The following DCAF1 variants were observed in gnomAD, a reference collection of about 807,000 sequenced individuals.
DCAF1 encodes DDB1- and CUL4-associated factor 1.
DCAF1 carries 15 observed loss-of-function variants against 128.0 expected under a neutral mutation model. The observed-to-expected ratio is 0.12, with a 90% confidence interval of 0.08 to 0.18. The LOEUF (loss-of-function observed/expected upper bound fraction) is 0.18. DCAF1 is among the 10% of genes least tolerant of loss of function. The probability of loss-of-function intolerance (pLI) is 1.00; values close to 1 mark genes in which losing one functional copy is unlikely to be tolerated. For missense variants in DCAF1, 988 were observed against 1,649.5 expected (o/e 0.60, Z 6.95); for synonymous variants, 610 against 603.0 (o/e 1.01, Z -0.17).
At chr3:51,416,629 C>T (rs782348212) in intron 18 of DCAF1, among the ~76,000 whole-genome samples, 158 bp downstream of exon 18, 1 of 152,164 alleles carries the variant, frequency 6.6e-6, no homozygotes, top group Admixed American at 6.5e-5. Context: ...TCCCATACAG[C>T]TCAGAACTAT....
intron 9 of DCAF1, chr3:51,436,414 G>A (rs547985182): frequency 1.3e-5 from 7 of 520,106 alleles, no homozygotes; most frequent in African/African-American, 1.3e-4. Context: ...GGATCCTTCT[G>A]AGGATGCTAG....
At chr3:51,406,352 A>AAT (rs1553626633) in intron 23 of DCAF1, among the ~76,000 whole-genome samples, 2 of 151,210 alleles carry the variant, frequency 1.3e-5, no homozygotes, top group Admixed American at 1.3e-4. Context: ...CAAAAAAAAA[A>AAT]AAAAAAAAAA....
chr3:51,475,521 C>T (rs577646271), intron 3 of DCAF1, among the ~76,000 whole-genome samples: 12 of 152,088 alleles, frequency 7.9e-5, no homozygotes, highest in Middle Eastern at 3.4e-3. Context: ...GACTGGAAGA[C>T]GGCTTGAGCC....
chr3:51,410,348 G>A (rs1451990525), intron 23 of DCAF1, among the ~76,000 whole-genome samples: 1 of 152,122 alleles, frequency 6.6e-6, no homozygotes, highest in Admixed American at 6.5e-5. Flanking sequence ...CACACACAGG[G>A]GATTTTAGGT....
chr3:51,455,016 T>G (rs529226623), intron 6 of DCAF1, among the ~76,000 whole-genome samples: 85 of 152,324 alleles, frequency 5.6e-4, no homozygotes, highest in African/African-American at 2.0e-3. Context: ...ACATGCATAG[T>G]CACTATCAAT....
chr3:51,418,060 G>A (rs1699059423), intron 17 of DCAF1, 56 bp downstream of exon 17: 16 of 1,554,088 alleles, frequency 1.0e-5, no homozygotes, highest in South Asian at 6.1e-5. Context: ...CCAAATGAAG[G>A]GGGGTATAAA....
At chr3:51,486,850 T>C (rs1372911677) in intron 2 of DCAF1, among the ~76,000 whole-genome samples, 2 of 152,048 alleles carry the variant, frequency 1.3e-5, no homozygotes, top group Non-Finnish European at 2.9e-5. Context: ...GCCAGGCTGG[T>C]CTCGAACTCC....
chr3:51,494,216 G>A lies in DCAF1; in HGVS notation c.-9+2518C>T, dbSNP rs1430696884. On this transcript the variant is annotated intron_variant, in intron 2 of 24. Coordinates refer to ENST00000684031, the MANE Select transcript of DCAF1 (RefSeq NM_001387579.1). ...TGCAAGCTCCGCCTCCCGGGTTCAT[G>A]CCATTCTCCTGCTTCAGCCTCCCGA... 2.7e-5 allele frequency among the ~76,000 whole-genome samples: 4 copies of A among 150,004 alleles called. No individual in the cohort carries two copies. The Admixed American group carries it at 2.7e-4, about 10-fold the overall frequency.
rs113200337 is a variant in DCAF1 at position 51,492,542 on chromosome 3, G to C, written c.-9+4192C>G. Among the ~76,000 whole-genome samples, 1,355 of 151,890 alleles carry C rather than the reference G, an allele frequency of 8.9e-3. 30 individuals carry two copies. Among genetic ancestry groups the C allele is most frequent in the African/African-American group, 0.029 (1,210 of 41,442 alleles). On this transcript the variant is annotated intron_variant, in intron 2 of 24. Transcript: ENST00000684031. ...AAAAACAAAAAAAAGGCCAAGAAAC[G>C]CATGAAAGATACTCAACATCAGTCA...
At chr3:51,402,019 G>C (rs1553625094) in intron 24 of DCAF1, among the ~76,000 whole-genome samples, 1 of 151,894 alleles carries the variant, frequency 6.6e-6, no homozygotes, top group Non-Finnish European at 1.5e-5. Flanking sequence ...TTCATGTACA[G>C]CTGCAGAGCT....
intron 7 of DCAF1, 24 bp from the exon 8 acceptor site, chr3:51,441,921 A>G (rs1701394540): frequency 6.4e-7 from 1 of 1,558,392 alleles, no homozygotes; most frequent in African/African-American, 1.4e-5. Flanking sequence ...ATTGGAGAAA[A>G]AGGGGGTGCC....
Position 51,412,401 on chromosome 3 carries a change from T to G in DCAF1, c.4190A>C (p.Asp1397Ala). The change falls in exon 23 of 25, where the codon GAT (aspartate) becomes GCT (alanine). Residue 1397 changes from aspartate (D) to alanine (A), a missense_variant. By Grantham distance (126) the Asp-to-Ala change is moderately radical. Transcript: ENST00000684031. ...YEVGRQRLAE[D>A]EDEEEDQEEE... ...GACCTGGTCCTCCTCTTCATCCTCA[T>G]CCTCTGCCAGACGCTGCCTGCCCAC... The G allele has an allele frequency of 6.2e-7, 1 of 1,613,918 alleles. No homozygotes were observed. Among genetic ancestry groups the G allele is most frequent in the Non-Finnish European group, 8.5e-7 (1 of 1,179,854 alleles).
At chr3:51,441,357 T>C (rs1553638630) in intron 8 of DCAF1, 28 bp downstream of exon 8, 5 of 1,591,812 alleles carry the variant, frequency 3.1e-6, no homozygotes, top group Non-Finnish European at 4.3e-6. Flanking sequence ...TTCCTATGTG[T>C]GAACAGTACT....
intron 2 of DCAF1, among the ~76,000 whole-genome samples, chr3:51,494,176 AG>A (rs1283241013): frequency 7.0e-6 from 1 of 143,690 alleles, no homozygotes; most frequent in Non-Finnish European, 1.5e-5. Context: ...GTGCAGTGGC[AG>A]GATCTCGGCT....
At chr3:51,419,013 C>T in intron 15 of DCAF1, 137 bp from the exon 16 acceptor site, 2 of 1,345,454 alleles carry the variant, frequency 1.5e-6, no homozygotes, top group Non-Finnish European at 1.9e-6. Flanking sequence ...ACCTTCAGTG[C>T]TTTTTATTTT....
At chr3:51,476,473 A>C (rs955702166) in intron 3 of DCAF1, among the ~76,000 whole-genome samples, 2 of 151,318 alleles carry the variant, frequency 1.3e-5, no homozygotes, top group Admixed American at 1.3e-4. Context: ...AGGAGGGTGC[A>C]ATCTGGTACT....
chr3:51,445,088 C>A (rs1338353967), intron 6 of DCAF1, among the ~76,000 whole-genome samples: 1 of 152,090 alleles, frequency 6.6e-6, no homozygotes, highest in African/African-American at 2.4e-5. Context: ...AAAATAAAAA[C>A]CTTCTGTAGG....
At chr3:51,491,500 T>C (rs1553657941) in intron 2 of DCAF1, among the ~76,000 whole-genome samples, 1 of 152,064 alleles carries the variant, frequency 6.6e-6, no homozygotes, top group African/African-American at 2.4e-5. Flanking sequence ...CTCACATCTA[T>C]GATCAATTTT....
intron 6 of DCAF1, among the ~76,000 whole-genome samples, chr3:51,448,732 A>G (rs1408363765): frequency 6.6e-6 from 1 of 152,002 alleles, no homozygotes. Flanking sequence ...GCAAACAAAA[A>G]CTCTGTACCC....
Sources: allele counts gnomAD v4.1 joint callset (sites outside exome capture counted in the v4.1 genomes callset), GRCh38; gene constraint gnomAD v4.1.1; transcripts MANE v1.5; gene names NCBI Gene and HGNC (gene_info 2026-07-23, HGNC 2026-07-21).